MSRA: variants seen among roughly 807,000 people sequenced by gnomAD.
The protein encoded by MSRA is methionine sulfoxide reductase A, also known as mitochondrial peptide methionine sulfoxide reductase.
A neutral mutation model predicts 31.3 loss-of-function variants in MSRA; 54 were observed. The ratio of observed to expected loss-of-function variants is 1.73; its 90% CI spans 1.39 to 2.17. The LOEUF (loss-of-function observed/expected upper bound fraction) is 2.17. Ranked by LOEUF, MSRA falls within the 30% of genes most tolerant of loss-of-function variation. The pLI, the probability that MSRA is intolerant of heterozygous loss-of-function variation, is 0.00. For missense variants in MSRA, 507 were observed against 300.9 expected (o/e 1.69, Z -5.07); for synonymous variants, 169 against 116.5 (o/e 1.45, Z -2.90).
intron 4 of MSRA, among the ~76,000 whole-genome samples, chr8:10,317,744 C>G (rs887616915): frequency 6.6e-6 from 1 of 152,178 alleles, no homozygotes; most frequent in African/African-American, 2.4e-5. Context: ...ATAATTTTTC[C>G]TCATAGTTTT....
At chr8:10,086,839 G>T (rs993727977) in intron 1 of MSRA, among the ~76,000 whole-genome samples, 1 of 151,430 alleles carries the variant, frequency 6.6e-6, no homozygotes, top group African/African-American at 2.4e-5. Flanking sequence ...GGCGAAGAGA[G>T]GTGGGCCAGG....
intron 1 of MSRA, among the ~76,000 whole-genome samples, chr8:10,160,254 G>A (rs528790355): frequency 6.6e-6 from 1 of 152,114 alleles, no homozygotes; most frequent in South Asian, 2.1e-4. Flanking sequence ...CAGCACTTTG[G>A]GAGGCTGAGG....
At chr8:10,370,248 A>G (rs766302314) in intron 5 of MSRA, among the ~76,000 whole-genome samples, 2 of 152,232 alleles carry the variant, frequency 1.3e-5, no homozygotes, top group African/African-American at 2.4e-5. Context: ...CACATAACCA[A>G]TAAGTGGCAA....
chr8:10,185,350 T>C (rs916227435), intron 1 of MSRA, among the ~76,000 whole-genome samples: 2 of 152,188 alleles, frequency 1.3e-5, no homozygotes, highest in African/African-American at 4.8e-5. Context: ...GCTGTGGATC[T>C]AGGGTTTCCC....
intron 1 of MSRA, among the ~76,000 whole-genome samples, chr8:10,150,678 A>G (rs774611539): frequency 6.6e-6 from 1 of 151,926 alleles, no homozygotes; most frequent in African/African-American, 2.4e-5. Context: ...TTTCTGTCTG[A>G]CTCGGTAATT....
At chr8:10,126,504 GA>G (rs1801507777) in intron 1 of MSRA, among the ~76,000 whole-genome samples, 1 of 152,000 alleles carries the variant, frequency 6.6e-6, no homozygotes, top group Non-Finnish European at 1.5e-5. Flanking sequence ...GCATTAGTTA[GA>G]TTTTCTTTCT....
At chr8:10,169,272 C>T (rs1805401980) in intron 1 of MSRA, among the ~76,000 whole-genome samples, 1 of 152,172 alleles carries the variant, frequency 6.6e-6, no homozygotes, top group African/African-American at 2.4e-5. Flanking sequence ...ACATTGTTAC[C>T]AACCTGCATT....
At chr8:10,315,599 A>G (rs1801666571) in intron 4 of MSRA, among the ~76,000 whole-genome samples, 1 of 152,234 alleles carries the variant, frequency 6.6e-6, no homozygotes, top group Non-Finnish European at 1.5e-5. Context: ...TACTTCTGCT[A>G]ATATGAACAC....
At chr8:10,110,379 T>C (rs1322273057) in intron 1 of MSRA, among the ~76,000 whole-genome samples, 1 of 152,200 alleles carries the variant, frequency 6.6e-6, no homozygotes, top group African/African-American at 2.4e-5. Flanking sequence ...CCTCCCATTT[T>C]GTTACCCACT....
intron 1 of MSRA, among the ~76,000 whole-genome samples, chr8:10,054,944 C>A (rs926841262): frequency 1.3e-5 from 2 of 152,210 alleles, no homozygotes; most frequent in African/African-American, 4.8e-5. Context: ...CATACCGTCG[C>A]GGCCCCAAGT....
intron 4 of MSRA, among the ~76,000 whole-genome samples, chr8:10,309,866 G>A (rs1048337161): frequency 6.6e-6 from 1 of 152,156 alleles, no homozygotes; most frequent in African/African-American, 2.4e-5. Flanking sequence ...GAATCGGGTG[G>A]GATAGGTCCA....
At chr8:10,242,141 C>T (rs770807545) in intron 2 of MSRA, among the ~76,000 whole-genome samples, 4 of 151,990 alleles carry the variant, frequency 2.6e-5, no homozygotes, top group Non-Finnish European at 2.9e-5. Flanking sequence ...CATGGTAGTA[C>T]GCGCTTGTAA....
At chr8:10,138,636 T>C (rs1802467883) in intron 1 of MSRA, among the ~76,000 whole-genome samples, 1 of 152,234 alleles carries the variant, frequency 6.6e-6, no homozygotes, top group African/African-American at 2.4e-5. Flanking sequence ...TTAAGTTATT[T>C]GCATTTTGAA....
At chr8:10,078,473 G>A (rs1317202656) in intron 1 of MSRA, among the ~76,000 whole-genome samples, 2 of 152,242 alleles carry the variant, frequency 1.3e-5, no homozygotes, top group African/African-American at 4.8e-5. Context: ...TGGCCACTGG[G>A]ACTCTGCCCT....
At chr8:10,290,710 A>G (rs1335320548) in intron 3 of MSRA, among the ~76,000 whole-genome samples, 1 of 152,220 alleles carries the variant, frequency 6.6e-6, no homozygotes, top group Non-Finnish European at 1.5e-5. Context: ...ACTGACAACA[A>G]GGCACACACA....
intron 3 of MSRA, among the ~76,000 whole-genome samples, chr8:10,271,667 T>C (rs538191567): frequency 1.2e-4 from 18 of 152,152 alleles, no homozygotes; most frequent in South Asian, 2.1e-4. Context: ...TTTTATAAAA[T>C]AGTTTGCTGT....
chr8:10,077,363 A>G (rs1798042766), intron 1 of MSRA, among the ~76,000 whole-genome samples: 2 of 152,140 alleles, frequency 1.3e-5, no homozygotes, highest in African/African-American at 2.4e-5. Flanking sequence ...AAGATGGGAG[A>G]GACTCAAAAA....
chr8:10,425,219 C>T (rs1020805727), intron 5 of MSRA, among the ~76,000 whole-genome samples: 1 of 152,158 alleles, frequency 6.6e-6, no homozygotes, highest in African/African-American at 2.4e-5. Context: ...AGGCCGGTGG[C>T]CGCCACCTCT....
chr8:10,274,859 C>G (rs2975656), intron 3 of MSRA, among the ~76,000 whole-genome samples: 2 of 152,184 alleles, frequency 1.3e-5, no homozygotes, highest in Non-Finnish European at 2.9e-5. Flanking sequence ...AACCATCCAT[C>G]TACCCACCCA....
Sources: allele counts gnomAD v4.1 joint callset (sites outside exome capture counted in the v4.1 genomes callset), GRCh38; gene constraint gnomAD v4.1.1; transcripts MANE v1.5; gene names NCBI Gene and HGNC (gene_info 2026-07-23, HGNC 2026-07-21).